The following SYT14 variants were observed in gnomAD, a reference collection of about 807,000 sequenced individuals.
SYT14 encodes synaptotagmin 14, also known as synaptotagmin-14.
In SYT14, 32 loss-of-function variants were observed where a neutral mutation model predicts 74.2. That is an observed-to-expected ratio of 0.43 (90% confidence interval 0.33 to 0.58). The LOEUF (loss-of-function observed/expected upper bound fraction) is 0.58, where lower values mean the gene tolerates loss of function less well. Among genes scored for constraint, SYT14 ranks in the 20% least tolerant of loss-of-function variants. SYT14 has a pLI of 0.05. For synonymous variants in SYT14, 298 were observed against 337.7 expected (o/e 0.88, Z 1.29); for missense variants, 791 against 981.8 (o/e 0.81, Z 2.60).
chr1:210,108,109 A>G (rs1030336016), intron 7 of SYT14, among the ~76,000 whole-genome samples: 1 of 152,218 alleles, frequency 6.6e-6, no homozygotes, highest in Non-Finnish European at 1.5e-5. Flanking sequence ...AGGGTACTTA[A>G]TATTTTCTTA....
chr1:210,042,100 G>C (rs780144647), intron 5 of SYT14, among the ~76,000 whole-genome samples: 2 of 152,032 alleles, frequency 1.3e-5, no homozygotes, highest in Non-Finnish European at 2.9e-5. Context: ...ACTGCAAGCA[G>C]GAGAGGCAGG....
intron 2 of SYT14, among the ~76,000 whole-genome samples, chr1:209,990,307 G>A (rs934140208): frequency 2.0e-5 from 3 of 151,690 alleles, no homozygotes; most frequent in Non-Finnish European, 2.9e-5. Flanking sequence ...AGATGGCTAA[G>A]TTTAGAAAAT....
In SYT14 at chr1:210,165,758, C is replaced by A. The variant is rs189880633; in HGVS notation, c.*4716C>A. The A allele has an allele frequency of 7.9e-5, 12 of 152,228 alleles. No individual in the cohort carries two copies. In the East Asian group the frequency reaches 2.3e-3, roughly 29 times the overall value. 9.4% of individuals were successfully genotyped at this position (152,228 alleles called of 1,614,324 possible). A position where few individuals can be genotyped will look rare whatever the true frequency, so the allele number is the denominator to read the frequency against. On this transcript the variant is annotated 3_prime_UTR_variant, in exon 10 of 10. Coordinates refer to ENST00000637265, the Ensembl canonical transcript of SYT14. ...TGCCTTGTTAGTATCTTTCTGTACC[C>A]CTTTGCTTATAGTAGGCAGACAGTA...
intron 7 of SYT14, among the ~76,000 whole-genome samples, chr1:210,138,698 A>G (rs1023024029): frequency 2.0e-5 from 3 of 152,126 alleles, no homozygotes; most frequent in Non-Finnish European, 4.4e-5. Flanking sequence ...AGTTTTAATT[A>G]TTTGCATAAA....
intron 6 of SYT14, 47 bp downstream of exon 5, chr1:210,094,640 A>G (rs780007174): frequency 6.3e-7 from 1 of 1,596,018 alleles, no homozygotes. Flanking sequence ...TATTTGGAGG[A>G]TAATAATCCT....
rs757435696 is a variant in SYT14 at position 209,991,768 on chromosome 1, T to G, written c.-485-21865T>G. ...TCGCTTGAACCTAGGAGGCAGAGGC[T>G]GCAGAGAGCCAAGATCACACCACTG... On this transcript the variant is annotated intron_variant, in intron 2 of 9. Coordinates refer to ENST00000637265, the Ensembl canonical transcript of SYT14. 5.1e-4 allele frequency among the ~76,000 whole-genome samples: 76 copies of G among 150,266 alleles called. 1 individual carries two copies. Among genetic ancestry groups the G allele is most frequent in the Non-Finnish European group, 4.9e-4 (33 of 67,804 alleles).
intron 5 of SYT14, 28 bp from the exon 5 acceptor site, chr1:210,094,294 C>T (rs776527752): frequency 1.2e-6 from 2 of 1,613,506 alleles, no homozygotes; most frequent in East Asian, 2.2e-5. Flanking sequence ...TAATTGGAAA[C>T]AGTGACCAGA....
At chr1:209,952,909 G>A (rs557672718) in intron 2 of SYT14, 153 bp downstream of exon 2, 6 of 1,055,864 alleles carry the variant, frequency 5.7e-6, no homozygotes, top group African/African-American at 4.8e-5. Context: ...CATTAGTAAA[G>A]TGCATATTAC....
chr1:210,060,310 A>G (rs2081185455), intron 5 of SYT14, among the ~76,000 whole-genome samples: 1 of 152,120 alleles, frequency 6.6e-6, no homozygotes, highest in African/African-American at 2.4e-5. Flanking sequence ...TTGAGTTCCT[A>G]TGTTCCTAAG....
intron 2 of SYT14, among the ~76,000 whole-genome samples, chr1:210,006,107 T>C (rs1032994620): frequency 6.6e-6 from 1 of 151,924 alleles, no homozygotes; most frequent in African/African-American, 2.4e-5. Context: ...ATCACTACCA[T>C]CTATGCCTTC....
rs1196789715 is a variant in SYT14 at position 210,056,659 on chromosome 1, CAAAA to C, written c.1312+35419_1312+35422del. 5.7e-3 allele frequency among the ~76,000 whole-genome samples: 453 copies of C among 79,384 alleles called. 8 individuals carry two copies. Among genetic ancestry groups the C allele is most frequent in the African/African-American group, 0.022 (427 of 18,992 alleles). The allele number at this position is 79,384 out of a possible 152,430, so 52.1% of individuals were successfully genotyped here. On this transcript the variant is annotated intron_variant, in intron 5 of 9. Coordinates refer to ENST00000637265, the Ensembl canonical transcript of SYT14. ...TGAAACCCCGTCTCTACTAAAAATA[CAAAA>C]AAAAAAAAAAAAATTAGCCGGGTGT...
At chr1:210,070,521 C>G (rs182740437) in intron 5 of SYT14, among the ~76,000 whole-genome samples, 3 of 152,102 alleles carry the variant, frequency 2.0e-5, no homozygotes, top group African/African-American at 7.2e-5. Flanking sequence ...GGTTTCTGCT[C>G]TCCCTGTTCA....
intron 5 of SYT14, among the ~76,000 whole-genome samples, chr1:210,091,197 T>G (rs1190454667): frequency 6.6e-6 from 1 of 152,146 alleles, no homozygotes; most frequent in Non-Finnish European, 1.5e-5. Context: ...GCCAGATGCC[T>G]GGAGCTCAGC....
At position 209,970,662 on chromosome 1, in the gene SYT14, C is replaced by CTTTTTTTTTTTTTTTTTTTT. The variant is rs35639848; in HGVS notation, c.-486+17926_-486+17945dup. 8.0e-5 allele frequency among the ~76,000 whole-genome samples: 5 copies of CTTTTTTTTTTTTTTTTTTTT among 62,810 alleles called. 2 individuals carry two copies. Among genetic ancestry groups the CTTTTTTTTTTTTTTTTTTTT allele is most frequent in the Non-Finnish European group, 1.4e-4 (5 of 35,340 alleles). 41.2% of individuals were successfully genotyped at this position (62,810 alleles called of 152,430 possible). ...TTACAGATTGCTTTGGGCAGTATGGCTTTTTTTTTTTTTTTTTTTTTTTTT... is the reference window on the plus strand; with the variant it reads ...TTACAGATTGCTTTGGGCAGTATGGCTTTTTTTTTTTTTTTTTTTTTTTTTTTTTTTTTTTTTTTTTTTTT... On this transcript the variant is annotated intron_variant, in intron 2 of 9. Transcript: ENST00000637265.
At position 210,074,210 on chromosome 1, in the gene SYT14, A is replaced by G. The variant is rs542236694; in HGVS notation, c.1313-20112A>G. On this transcript the variant is annotated intron_variant, in intron 5 of 9. Coordinates refer to ENST00000637265, the Ensembl canonical transcript of SYT14. ...AATAACAACTAAATTTACCGACACT[A>G]TGAAGCACTGCGCAAAGCACTTAAA... is the stretch of plus-strand genomic sequence containing the variant. Among the ~76,000 whole-genome samples, 24 of 152,320 alleles carry G rather than the reference A, an allele frequency of 1.6e-4. No individual in the cohort carries two copies. The South Asian group carries it at 3.3e-3, about 21-fold the overall frequency.
At chr1:210,100,264 G>T in exon 7 of SYT14, 2 of 1,614,074 alleles carry the variant, frequency 1.2e-6, no homozygotes, top group Non-Finnish European at 1.7e-6. Flanking sequence ...ACCATGCCCT[G>T]TCTTCACAGA....
rs1223613936 is a variant in SYT14 at position 210,078,895 on chromosome 1, T to C, written c.1313-15427T>C. Among the ~76,000 whole-genome samples the C allele has an allele frequency of 2.0e-5, 3 of 152,096 alleles. No individual in the cohort carries two copies. The East Asian group carries it at 5.8e-4, about 29-fold the overall frequency. On this transcript the variant is annotated intron_variant, in intron 5 of 9. Coordinates refer to ENST00000637265, the Ensembl canonical transcript of SYT14. ...CCCAGTAACTGGGACTACAGGGTTATGTGCCACCATGCCTGGCTATTTTTT... is the reference window on the plus strand; with the variant it reads ...CCCAGTAACTGGGACTACAGGGTTACGTGCCACCATGCCTGGCTATTTTTT...
exon 10 of SYT14, chr1:210,168,437 T>A (rs2083479575): frequency 6.6e-6 from 1 of 152,172 alleles, no homozygotes; most frequent in East Asian, 1.9e-4. Flanking sequence ...TGAAGACTAT[T>A]TTAAAAAGAA....
At chr1:210,054,580 C>T (rs867615313) in intron 5 of SYT14, among the ~76,000 whole-genome samples, 3 of 151,812 alleles carry the variant, frequency 2.0e-5, no homozygotes, top group Non-Finnish European at 4.4e-5. Context: ...AACAGTGATA[C>T]GTAGAAAAGT....
Sources: gnomAD v4.1 joint callset for allele counts (sites outside exome capture counted in the v4.1 genomes callset) on GRCh38, gnomAD v4.1.1 for gene constraint, MANE v1.5 for transcripts, NCBI Gene and HGNC (gene_info 2026-07-23, HGNC 2026-07-21) for gene names.